The following SLC5A9 variants were observed in gnomAD, a reference collection of about 807,000 sequenced individuals.
SLC5A9 encodes solute carrier family 5 member 9.
In SLC5A9, 59 loss-of-function variants were observed where a neutral mutation model predicts 70.9. The observed-to-expected ratio is 0.83, with a 90% CI of 0.68 to 1.03. The LOEUF is 1.03. Among genes scored for constraint, SLC5A9 ranks in the 50% least tolerant of loss-of-function variants. SLC5A9 has a pLI of 0.00. For synonymous variants in SLC5A9, 340 were observed against 346.5 expected (o/e 0.98, Z 0.21); for missense variants, 832 against 881.1 (o/e 0.94, Z 0.71).
intron 2 of SLC5A9, among the ~76,000 whole-genome samples, chr1:48,226,986 AGTAT>A (rs369852882): frequency 1.5e-3 from 221 of 151,020 alleles, no homozygotes; most frequent in African/African-American, 5.2e-3. Context: ...TCCATGTGTG[AGTAT>A]GTATGCATGT....
At chr1:48,230,197 C>T (rs1644227303) in intron 4 of SLC5A9, among the ~76,000 whole-genome samples, 1 of 152,254 alleles carries the variant, frequency 6.6e-6, no homozygotes, top group African/African-American at 2.4e-5. Context: ...GGCCACCTGA[C>T]AGCCAAGCAG....
intron 2 of SLC5A9, among the ~76,000 whole-genome samples, chr1:48,226,940 A>C (rs545644420): frequency 1.4e-4 from 22 of 152,210 alleles, no homozygotes; most frequent in Admixed American, 7.8e-4. Flanking sequence ...AGAGAGGAAG[A>C]GTGAGTGTGT....
chr1:48,229,132 AG>A (rs756148403), intron 3 of SLC5A9, 162 bp from the exon 4 acceptor site: 1 of 1,613,942 alleles, frequency 6.2e-7, no homozygotes, highest in Non-Finnish European at 8.5e-7. Context: ...GAGGAGACAG[AG>A]GGATCCATCC....
At chr1:48,241,373 G>T (rs1361156628) in intron 12 of SLC5A9, among the ~76,000 whole-genome samples, 3 of 152,154 alleles carry the variant, frequency 2.0e-5, no homozygotes. Context: ...TTACAAGCAA[G>T]GAAGCTTCCC....
intron 5 of SLC5A9, 78 bp downstream of exon 5, chr1:48,230,783 C>A: frequency 1.9e-6 from 2 of 1,073,070 alleles, no homozygotes; most frequent in East Asian, 2.5e-5. Context: ...GAGAGACAAC[C>A]AGAGAGAGAG....
rs745457738 is a variant in SLC5A9, at chr1:48,232,001, C to T, written c.747C>T (p.Ile249=). The T allele has an allele frequency of 6.8e-6, 11 of 1,614,046 alleles. No individual in the cohort carries two copies. The African/African-American group carries it at 1.3e-4, about 20-fold the overall frequency. The change falls in exon 7 of 14, where the codon ATC becomes ATT. Residue 249 remains isoleucine (I), a synonymous_variant. Coordinates refer to ENST00000438567, the MANE Select transcript of SLC5A9 (RefSeq NM_001011547.3). ...TGGAGCAGCGGTACAGGCAGGCCAT[C>T]CCTAATGTCACAGTCCCCAACACCA... ...PGLEQRYRQA[I]PNVTVPNTTC...
chr1:48,226,012 G>A (rs1644140691), intron 2 of SLC5A9, among the ~76,000 whole-genome samples: 1 of 152,084 alleles, frequency 6.6e-6, no homozygotes, highest in Non-Finnish European at 1.5e-5. Context: ...GGCCTCCAGG[G>A]CTCTCTGGAA....
rs74077912 is a variant in SLC5A9 at position 48,241,873 on chromosome 1, C to T, written c.1678-584C>T. On this transcript the variant is annotated intron_variant, in intron 12 of 13. Coordinates refer to ENST00000438567, the MANE Select transcript of SLC5A9 (RefSeq NM_001011547.3). Reference sequence around the variant, plus strand: ...AACCCTGGAGCCATATTAGCCTCTCCCATGTCCCTCACCTGGCTCTTTCAG... The same window carrying T: ...AACCCTGGAGCCATATTAGCCTCTCTCATGTCCCTCACCTGGCTCTTTCAG... 1.4e-3 allele frequency: 641 copies of T among 455,254 alleles called. 5 individuals carry two copies. The highest frequency in any genetic ancestry group is 0.012 in the African/African-American group (605 of 50,152). 28.2% of individuals were successfully genotyped at this position (455,254 alleles called of 1,614,324 possible).
rs1644367024 is a variant in SLC5A9 at position 48,239,394 on chromosome 1, G to A, written c.1534G>A (p.Ala512Thr). The change falls in exon 12 of 14, where the codon GCG (alanine) becomes ACG (threonine). Residue 512 changes from alanine (A) to threonine (T), a missense_variant. Transcript: ENST00000438567. The surrounding 1 kb of genome is among the most constrained non-coding windows in gnomAD (Gnocchi z 4.2). ...LRMILEFSYPAPACGEVDRRP... is the reference protein window; with the variant it reads ...LRMILEFSYPTPACGEVDRRP... Reference sequence around the variant, plus strand: ...TATGATCCTGGAGTTCTCATACCCAGCGCCAGCCTGTGGGGAGGTGGACCG... The same window carrying A: ...TATGATCCTGGAGTTCTCATACCCAACGCCAGCCTGTGGGGAGGTGGACCG... The A allele has an allele frequency of 6.2e-7, 1 of 1,614,098 alleles. No homozygotes were observed. Among genetic ancestry groups the A allele is most frequent in the Non-Finnish European group, 8.5e-7 (1 of 1,180,042 alleles).
At chr1:48,231,829 C>T in intron 6 of SLC5A9, 117 bp from the exon 7 acceptor site, 1 of 1,544,154 alleles carries the variant, frequency 6.5e-7, no homozygotes, top group Admixed American at 1.9e-5. Context: ...CTTCCTCCTT[C>T]ACCCCCAATC....
chr1:48,222,727 A>G lies in SLC5A9; in HGVS notation c.-10A>G, dbSNP rs201131612. 2.5e-6 allele frequency: 4 copies of G among 1,614,104 alleles called. No homozygotes were observed. The highest frequency in any genetic ancestry group is 3.4e-6 in the Non-Finnish European group (4 of 1,180,000). ...TCAAAGTCCAGCCTGCTGTTGACCAACACTAACAGATGAGCAAGGAGCTGG... is the reference window on the plus strand; with the variant it reads ...TCAAAGTCCAGCCTGCTGTTGACCAGCACTAACAGATGAGCAAGGAGCTGG... On this transcript the variant is annotated 5_prime_UTR_variant, in exon 1 of 14. Transcript: ENST00000438567.
intron 12 of SLC5A9, chr1:48,241,928 T>A: frequency 2.2e-6 from 1 of 456,282 alleles, no homozygotes; most frequent in Non-Finnish European, 4.4e-6. Flanking sequence ...TTCACCTCCT[T>A]TACCCATTTC....
chr1:48,244,729 ATATATAATATATATAAAT>A lies in SLC5A9; in HGVS notation c.1837+2119_1837+2136del, dbSNP rs1285574048. 6.6e-5 allele frequency among the ~76,000 whole-genome samples: 8 copies of A among 120,308 alleles called. No homozygotes were observed. In the East Asian group the frequency reaches 9.6e-4, roughly 14 times the overall value. The allele number at this position is 120,308 out of a possible 152,430, so 78.9% of individuals were successfully genotyped here. A position where few individuals can be genotyped will look rare whatever the true frequency, so the allele number is the denominator to read the frequency against. On this transcript the variant is annotated intron_variant, in intron 13 of 13. Transcript: ENST00000438567. ...CTTTGCAAATATATATATATATAAA[ATATATAATATATATAAAT>A]TATATTTATATTATATATAAATTAT... is the stretch of plus-strand genomic sequence containing the variant.
chr1:48,241,046 T>G (rs372193411), intron 12 of SLC5A9: 1 of 152,326 alleles, frequency 6.6e-6, no homozygotes, highest in Admixed American at 6.5e-5. Flanking sequence ...TTTTGTTTTT[T>G]TGTTGTTTGT....
chr1:48,234,777 G>C (rs186950087), intron 9 of SLC5A9, among the ~76,000 whole-genome samples: 18 of 152,264 alleles, frequency 1.2e-4, no homozygotes, highest in African/African-American at 4.3e-4. Flanking sequence ...GGGAGGCCCA[G>C]CTAGGACAGA....
chr1:48,245,582 C>T (rs1177091914), intron 13 of SLC5A9, among the ~76,000 whole-genome samples: 2 of 152,194 alleles, frequency 1.3e-5, no homozygotes, highest in South Asian at 2.1e-4. Context: ...GAGAAACAAA[C>T]ATCAGGAATA....
In SLC5A9 at chr1:48,222,781, C is replaced by T. The variant is rs150512665; in HGVS notation, c.45C>T (p.Asp15=). 400 of 1,614,134 alleles carry T rather than the reference C, an allele frequency of 2.5e-4. No homozygotes were observed. The African/African-American group carries it at 4.2e-3, about 17-fold the overall frequency. ...CAATGGGGCCTGGAGCTTCAGGGGA[C>T]GGGGTCAGGACTGAGACAGCTCCAC... ...LAAMGPGASG[D]GVRTETAPHI... is the part of the protein sequence containing the mutation. The change falls in exon 1 of 14, where the codon GAC becomes GAT. Residue 15 remains aspartate, a synonymous_variant. Coordinates refer to ENST00000438567, the MANE Select transcript of SLC5A9 (RefSeq NM_001011547.3).
Position 48,224,750 on chromosome 1 carries a change from C to G in SLC5A9, c.189C>G (p.Thr63=). ...IWSSIRASRG[T]IGGYFLAGRS... ...CGTCCATCCGTGCAAGTCGAGGGAC[C>G]ATTGGCGGCTATTTCCTGGCCGGGA... Residue 63 remains threonine (T), a synonymous_variant, in exon 2 of 14, where the codon ACC becomes ACG. Transcript: ENST00000438567. 6.2e-7 allele frequency: 1 copy of G among 1,614,122 alleles called. No individual in the cohort carries two copies. Among genetic ancestry groups the G allele is most frequent in the Non-Finnish European group, 8.5e-7 (1 of 1,180,012 alleles).
chr1:48,232,781 C>A (rs1184288079), intron 8 of SLC5A9, among the ~76,000 whole-genome samples: 1 of 141,426 alleles, frequency 7.1e-6, no homozygotes, highest in Non-Finnish European at 1.5e-5. Context: ...GCAAGAGAAA[C>A]CCTATTGAAA....
Sources: gnomAD v4.1 joint callset for allele counts (sites outside exome capture counted in the v4.1 genomes callset) on GRCh38, gnomAD v4.1.1 for gene constraint, Gnocchi (gnomAD v3.1) non-coding constraint, MANE v1.5 for transcripts, NCBI Gene and HGNC (gene_info 2026-07-23, HGNC 2026-07-21) for gene names.